Variants in CD55 observed in about 807,000 individuals in gnomAD.
The protein encoded by CD55 is complement decay-accelerating factor.
In CD55, 41 loss-of-function variants were observed where a neutral mutation model predicts 45.8. That is an observed-to-expected ratio of 0.90 (90% CI 0.70 to 1.16). CD55 has a LOEUF of 1.16. Ranked by LOEUF, CD55 falls within the 50% of genes most tolerant of loss-of-function variation. The pLI is 0.00. For missense variants in CD55, 416 were observed against 469.8 expected (o/e 0.89, Z 1.06); for synonymous variants, 181 against 181.1 (o/e 1.00, Z 0.01).
chr1:207,359,004 G>A (rs547793889), intron 9 of CD55, among the ~76,000 whole-genome samples: 2 of 152,112 alleles, frequency 1.3e-5, no homozygotes, highest in South Asian at 2.1e-4. Flanking sequence ...CTTTTGCTTG[G>A]TGGCTTTTAG....
intron 9 of CD55, among the ~76,000 whole-genome samples, chr1:207,343,700 A>G (rs1013382690): frequency 2.6e-5 from 4 of 152,172 alleles, no homozygotes; most frequent in African/African-American, 7.2e-5. Flanking sequence ...CTAATGTGCA[A>G]TTTAAATCCA....
intron 9 of CD55, among the ~76,000 whole-genome samples, chr1:207,355,290 C>T (rs1325995177): frequency 9.0e-6 from 1 of 111,730 alleles, no homozygotes; most frequent in East Asian, 3.1e-4. Context: ...TAGTAAAGAC[C>T]AATAGAGTTG....
At chr1:207,353,499 A>C (rs952022737) in intron 9 of CD55, among the ~76,000 whole-genome samples, 1 of 151,972 alleles carries the variant, frequency 6.6e-6, no homozygotes, top group Non-Finnish European at 1.5e-5. Flanking sequence ...AAGAGTCTTG[A>C]CTCTTAAGTA....
chr1:207,333,945 G>A (rs911441759), intron 6 of CD55, among the ~76,000 whole-genome samples: 11 of 152,112 alleles, frequency 7.2e-5, no homozygotes, highest in African/African-American at 2.4e-4. Flanking sequence ...AAAGGAAGAG[G>A]GGAAGGAGGA....
chr1:207,342,800 G>A lies in CD55; in HGVS notation c.1081+3383G>A, dbSNP rs28738996. 9.7e-3 allele frequency among the ~76,000 whole-genome samples: 1,478 copies of A among 152,218 alleles called. 24 individuals carry two copies. Among genetic ancestry groups the A allele is most frequent in the African/African-American group, 0.034 (1,424 of 41,532 alleles). On this transcript the variant is annotated intron_variant, in intron 9 of 9. Transcript: ENST00000367064. ...TTAGTTCTCTTTTGTATGTTTGGTA[G>A]CATTTGGCTTTGAATCCATCCAGTC... is the stretch of plus-strand genomic sequence containing the variant.
At chr1:207,355,315 G>A (rs1446803387) in intron 9 of CD55, among the ~76,000 whole-genome samples, 1 of 151,016 alleles carries the variant, frequency 6.6e-6, no homozygotes, top group Non-Finnish European at 1.5e-5. Context: ...CAAGGACACT[G>A]GGCAGGGTTG....
At chr1:207,332,755 A>G (rs1435175076) in intron 6 of CD55, among the ~76,000 whole-genome samples, 2 of 152,188 alleles carry the variant, frequency 1.3e-5, no homozygotes, top group Admixed American at 6.5e-5. Context: ...TAAAACGACT[A>G]TAAAATCTCA....
At chr1:207,327,087 G>T (rs1416039485) in intron 5 of CD55, among the ~76,000 whole-genome samples, 1 of 152,138 alleles carries the variant, frequency 6.6e-6, no homozygotes, top group East Asian at 1.9e-4. Context: ...ACAAACTTAG[G>T]TTTGTATTGC....
intron 9 of CD55, chr1:207,340,763 CAT>C: frequency 2.2e-6 from 1 of 445,868 alleles, no homozygotes; most frequent in Non-Finnish European, 4.0e-6. Flanking sequence ...TGTGAATGCA[CAT>C]ATCTTTTTGA....
intron 4 of CD55, among the ~76,000 whole-genome samples, chr1:207,326,161 A>G (rs957533497): frequency 6.6e-6 from 1 of 152,224 alleles, no homozygotes; most frequent in Non-Finnish European, 1.5e-5. Context: ...AAGTTCTTTG[A>G]TAAGTTCTCT....
At position 207,336,951 on chromosome 1, in the gene CD55, C is replaced by G. The variant is rs189498416; in HGVS notation, c.979+133C>G. ...ATAGTCACACCAACACCTTAGAAAC[C>G]CACCACAATAAATGTTCCAGCTACA... is the stretch of plus-strand genomic sequence containing the variant. On this transcript the variant is annotated intron_variant, in intron 7 of 9. Coordinates refer to ENST00000367064, the MANE Select transcript of CD55 (RefSeq NM_000574.5). The G allele has an allele frequency of 5.2e-4, 498 of 950,650 alleles. 1 individual carries two copies. Among genetic ancestry groups the G allele is most frequent in the Non-Finnish European group, 7.4e-4 (450 of 609,690 alleles). 58.9% of individuals were successfully genotyped at this position (950,650 alleles called of 1,614,324 possible).
chr1:207,331,150 T>C lies in CD55; in HGVS notation c.707T>C (p.Ile236Thr). The C allele has an allele frequency of 6.2e-7, 1 of 1,613,694 alleles. No homozygotes were observed. The highest frequency in any genetic ancestry group is 8.5e-7 in the Non-Finnish European group (1 of 1,179,730). The change falls in exon 6 of 10, where the codon ATT (isoleucine) becomes ACT (threonine). Residue 236 changes from isoleucine (I) to threonine (T), a missense_variant. By Grantham distance (89) the Ile-to-Thr change is moderately conservative. Coordinates refer to ENST00000367064, the MANE Select transcript of CD55 (RefSeq NM_000574.5). ...CCACCACAAATTGACAATGGAATAA[T>C]TCAAGGGGAACGTGACCATTATGGA... ...PAPPQIDNGI[I>T]QGERDHYGYR...
intron 5 of CD55, among the ~76,000 whole-genome samples, chr1:207,329,607 C>CT (rs979541144): frequency 1.3e-5 from 2 of 151,670 alleles, no homozygotes; most frequent in African/African-American, 2.4e-5. Flanking sequence ...CCATGTACCT[C>CT]TTTTTTTTCT....
intron 6 of CD55, among the ~76,000 whole-genome samples, chr1:207,333,318 A>T (rs1284543449): frequency 1.3e-5 from 2 of 152,190 alleles, no homozygotes; most frequent in Admixed American, 1.3e-4. Context: ...CCAAAGGTGA[A>T]ACAACAAAAA....
At chr1:207,356,415 A>G (rs1426805386) in intron 9 of CD55, among the ~76,000 whole-genome samples, 1 of 152,156 alleles carries the variant, frequency 6.6e-6, no homozygotes, top group Non-Finnish European at 1.5e-5. Context: ...TTCAAAGCAA[A>G]GTGACTTGAA....
rs770872713 is a variant in CD55 at position 207,322,517 on chromosome 1, T to C, written c.236T>C (p.Val79Ala). 3 of 1,614,108 alleles carry C rather than the reference T, an allele frequency of 1.9e-6. No individual in the cohort carries two copies. Among genetic ancestry groups the C allele is most frequent in the Middle Eastern group, 1.6e-4 (1 of 6,084 alleles). The change falls in exon 2 of 10, where the codon GTG (valine) becomes GCG (alanine). Residue 79 changes from valine (V) to alanine (A), a missense_variant. This residue lies in a region of CD55 where 123 missense variants were observed against 105.1 expected (regional missense o/e 1.17). Coordinates refer to ENST00000367064, the MANE Select transcript of CD55 (RefSeq NM_000574.5). ...AAAATTCCTGGCGAGAAGGACTCAGTGATCTGCCTTAAGGGCAGTCAATGG... is the reference window on the plus strand; with the variant it reads ...AAAATTCCTGGCGAGAAGGACTCAGCGATCTGCCTTAAGGGCAGTCAATGG... ...FVKIPGEKDS[V>A]ICLKGSQWSD...
chr1:207,333,892 T>TTAAA (rs1305711203), intron 6 of CD55, among the ~76,000 whole-genome samples: 1 of 152,062 alleles, frequency 6.6e-6, no homozygotes, highest in East Asian at 1.9e-4. Flanking sequence ...TTGAGACATG[T>TTAAA]TAAACTGTGC....
chr1:207,345,986 C>A (rs747409702), intron 9 of CD55, among the ~76,000 whole-genome samples: 11 of 152,224 alleles, frequency 7.2e-5, no homozygotes, highest in Non-Finnish European at 7.3e-5. Flanking sequence ...TCCTTGGGCC[C>A]AGGGTGATGT....
chr1:207,322,258 G>C (rs550029053), intron 1 of CD55, 124 bp from the exon 2 acceptor site: 1 of 837,376 alleles, frequency 1.2e-6, no homozygotes, highest in African/African-American at 1.7e-5. Flanking sequence ...TGGAGCACAC[G>C]ATGCTGCAAA....
Sources: allele counts gnomAD v4.1 joint callset (sites outside exome capture counted in the v4.1 genomes callset), GRCh38; gene constraint gnomAD v4.1.1; regional missense constraint gnomAD v4.1.1; transcripts MANE v1.5; gene names NCBI Gene and HGNC (gene_info 2026-07-23, HGNC 2026-07-21).